Variants in KNDC1 observed in about 807,000 individuals in gnomAD.
The protein encoded by KNDC1 is kinase non-catalytic C-lobe domain-containing protein 1.
KNDC1 carries 106 observed loss-of-function variants against 172.8 expected under a neutral mutation model. The ratio of observed to expected loss-of-function variants is 0.61; its 90% confidence interval spans 0.52 to 0.72. The LOEUF is 0.72. Among genes scored for constraint, KNDC1 ranks in the 30% least tolerant of loss-of-function variants. KNDC1 has a pLI of 0.00. For synonymous variants in KNDC1, 1,083 were observed against 1,062.2 expected (o/e 1.02, Z -0.38); for missense variants, 2,325 against 2,394.5 (o/e 0.97, Z 0.61).
chr10:133,212,544 G>A (rs904093006), intron 23 of KNDC1, among the ~76,000 whole-genome samples, 172 bp from the exon 24 acceptor site: 1 of 152,236 alleles, frequency 6.6e-6, no homozygotes, highest in Non-Finnish European at 1.5e-5. Flanking sequence ...AGGCATCCTT[G>A]TGCCAGCACA....
intron 9 of KNDC1, among the ~76,000 whole-genome samples, chr10:133,195,380 G>A (rs532578943): frequency 1.3e-5 from 2 of 152,352 alleles, no homozygotes; most frequent in African/African-American, 4.8e-5. Context: ...CGTGAGGAGA[G>A]TGGAAGGTGG....
At chr10:133,185,003 G>A (rs1313160379) in intron 5 of KNDC1, among the ~76,000 whole-genome samples, 1 of 152,292 alleles carries the variant, frequency 6.6e-6, no homozygotes, top group Non-Finnish European at 1.5e-5. Flanking sequence ...CAGAGGCCGT[G>A]TCTGCATTGG....
chr10:133,208,306 G>A (rs1845261065), intron 20 of KNDC1, among the ~76,000 whole-genome samples: 1 of 43,584 alleles, frequency 2.3e-5, no homozygotes, highest in African/African-American at 7.1e-5. Context: ...AGAGGGACGT[G>A]GCCCCCCAAC....
intron 17 of KNDC1, among the ~76,000 whole-genome samples, chr10:133,204,243 T>G (rs1320949679): frequency 2.0e-5 from 3 of 152,122 alleles, no homozygotes; most frequent in African/African-American, 4.8e-5. Context: ...GCCCGGTAGG[T>G]CCTTCCTTGA....
intron 17 of KNDC1, among the ~76,000 whole-genome samples, chr10:133,202,927 A>G (rs959415731): frequency 2.0e-5 from 3 of 152,180 alleles, no homozygotes; most frequent in Admixed American, 2.0e-4. Context: ...GGCGGCCGGC[A>G]CAGCAAACAC....
chr10:133,198,965 C>T lies in KNDC1; in HGVS notation c.2457C>T (p.Thr819=). The change falls in exon 14 of 30, where the codon ACC becomes ACT. Residue 819 remains threonine, a synonymous_variant. Coordinates refer to ENST00000304613, the MANE Select transcript of KNDC1 (RefSeq NM_152643.8). ...TCAGGCCCGACGCCCTGGGGCCCAC[C>T]ACGGCCCACCACGGCCCACGCCACC... ...GGLRPDALGP[T]TAHHGPRHPP... 6.5e-7 allele frequency: 1 copy of T among 1,538,414 alleles called. No individual in the cohort carries two copies. Among genetic ancestry groups the T allele is most frequent in the Middle Eastern group, 1.7e-4 (1 of 5,784 alleles).
chr10:133,212,892 G>C lies in KNDC1; in HGVS notation c.4413G>C (p.Gln1471His), dbSNP rs1392441397. The change falls in exon 24 of 30, where the codon CAG becomes CAC. Residue 1471 changes from glutamine (Q) to histidine (H), a missense_variant. Gln to His is a conservative substitution (Grantham distance 24, BLOSUM62 0). Transcript: ENST00000304613. ...PYFLTEYSTH[Q>H]LFSQLTLLQQ... ...TCCTGACGGAGTACAGCACTCACCA[G>C]CTCTTCAGCCAGCTCACGCTGCTAC... is the stretch of plus-strand genomic sequence containing the variant. 1.2e-6 allele frequency: 2 copies of C among 1,613,336 alleles called. No individual in the cohort carries two copies. Among genetic ancestry groups the C allele is most frequent in the African/African-American group, 2.7e-5 (2 of 74,940 alleles).
intron 2 of KNDC1, 111 bp from the exon 3 acceptor site, chr10:133,168,143 C>A: frequency 1.1e-6 from 1 of 911,212 alleles, no homozygotes; most frequent in Non-Finnish European, 1.8e-6. Context: ...GACACCAGGT[C>A]TGCGGGGAGG....
rs753883751 is a variant in KNDC1, at chr10:133,167,477, C to T, written c.199C>T (p.Arg67Trp). Residue 67 changes from arginine to tryptophan, a missense_variant, in exon 2 of 30, where the codon CGG (arginine) becomes TGG (tryptophan). Coordinates refer to ENST00000304613, the MANE Select transcript of KNDC1 (RefSeq NM_152643.8). Reference protein sequence around the residue: ...AVCLECSLSMRSVAHAAIFQS... With the variant: ...AVCLECSLSMWSVAHAAIFQS... ...GTGCCTGGAGTGCAGCCTGTCCATGCGGAGCGTGGCCCACGCCGCCATCTT... is the reference window on the plus strand; with the variant it reads ...GTGCCTGGAGTGCAGCCTGTCCATGTGGAGCGTGGCCCACGCCGCCATCTT... 119 of 1,606,128 alleles carry T rather than the reference C, an allele frequency of 7.4e-5. No homozygotes were observed. Among genetic ancestry groups the T allele is most frequent in the Non-Finnish European group, 7.9e-5 (93 of 1,177,348 alleles).
rs1304666151 is a variant in KNDC1, at chr10:133,220,068, C to G, written c.4974C>G (p.Gly1658=). 4.5e-6 allele frequency: 7 copies of G among 1,566,210 alleles called. No homozygotes were observed. The highest frequency in any genetic ancestry group is 6.1e-6 in the Non-Finnish European group (7 of 1,155,498). The change falls in exon 29 of 30, where the codon GGC becomes GGG. Residue 1658 remains glycine, a synonymous_variant. Coordinates refer to ENST00000304613, the MANE Select transcript of KNDC1 (RefSeq NM_152643.8). ...LAMHIQQLET[G]GFTMTNGAHR... is the part of the protein sequence containing the mutation. ...TGCACATCCAGCAGCTGGAGACAGG[C>G]GGCTTCACCATGACCAACGGGGCCC...
chr10:133,202,195 C>A, intron 17 of KNDC1: 1 of 669,890 alleles, frequency 1.5e-6, no homozygotes, highest in Non-Finnish European at 2.7e-6. Flanking sequence ...GAGGCCCCTC[C>A]ATGCTCGTGA....
chr10:133,210,601 C>A lies in KNDC1; in HGVS notation c.3795-10C>A, dbSNP rs117746648. On this transcript the variant is annotated splice_polypyrimidine_tract_variant and intron_variant, in intron 20 of 29. Coordinates refer to ENST00000304613, the MANE Select transcript of KNDC1 (RefSeq NM_152643.8). ...CCCACCACCTCACCGCCGCCCGCCC[C>A]GCCCCACAGTGATGCCTTCCTGGAG... is the stretch of plus-strand genomic sequence containing the variant. The A allele has an allele frequency of 6.3e-7, 1 of 1,592,444 alleles. No homozygotes were observed. Among genetic ancestry groups the A allele is most frequent in the Non-Finnish European group, 8.6e-7 (1 of 1,160,500 alleles).
In KNDC1 at chr10:133,202,958, C is replaced by T. The variant is rs544423312; in HGVS notation, c.3387+1060C>T. ...AACACCAAACGACCCGGCCCCCAAA[C>T]GCAGGGAGTCCAGCAGGGAGCACTC... On this transcript the variant is annotated intron_variant, in intron 17 of 29. Transcript: ENST00000304613. 3.3e-5 allele frequency among the ~76,000 whole-genome samples: 5 copies of T among 152,300 alleles called. No individual in the cohort carries two copies. In the South Asian group the frequency reaches 1.0e-3, roughly 32 times the overall value.
At chr10:133,200,306 C>T (rs1321089901) in intron 15 of KNDC1, 69 bp from the exon 16 acceptor site, 7 of 1,240,898 alleles carry the variant, frequency 5.6e-6, no homozygotes, top group Non-Finnish European at 7.7e-6. Flanking sequence ...CTGTGGGCCC[C>T]GCCCTGTGGA....
At chr10:133,212,958 C>G (rs376219333) in intron 24 of KNDC1, 36 bp downstream of exon 24, 3 of 1,572,208 alleles carry the variant, frequency 1.9e-6, no homozygotes, top group Non-Finnish European at 2.6e-6. Flanking sequence ...AGGTCACCTG[C>G]GAGTCGGGGC....
Position 133,163,047 on chromosome 10 carries a change from G to T in KNDC1, c.102+2478G>T, listed in dbSNP as rs1341778336. Among the ~76,000 whole-genome samples the T allele has an allele frequency of 2.0e-5, 3 of 151,508 alleles. No individual in the cohort carries two copies. Among genetic ancestry groups the T allele is most frequent in the African/African-American group, 7.3e-5 (3 of 41,122 alleles). The stretch of plus-strand genomic sequence containing the variant: ...AAGGAGGGCTTCCTGGAGGTGTCCT[G>T]CCCGGGATTCCCATGAGATTTCAGT... On this transcript the variant is annotated intron_variant, in intron 1 of 29. Transcript: ENST00000304613. This position sits in a 1 kb window ranked among gnomAD's most constrained non-coding sequence, Gnocchi z 4.4.
At chr10:133,194,300 T>C (rs1235435891) in intron 9 of KNDC1, among the ~76,000 whole-genome samples, 2 of 152,204 alleles carry the variant, frequency 1.3e-5, no homozygotes, top group African/African-American at 2.4e-5. Context: ...TTCTAAATAC[T>C]CTATGTGTCA....
At chr10:133,188,183 A>G (rs1853974514) in intron 6 of KNDC1, among the ~76,000 whole-genome samples, 2 of 152,156 alleles carry the variant, frequency 1.3e-5, no homozygotes, top group African/African-American at 4.8e-5. Context: ...TGCTGGGAAC[A>G]TGGGTGTGCA....
chr10:133,209,632 G>A lies in KNDC1; in HGVS notation c.3795-979G>A, dbSNP rs11101640. 0.024 allele frequency among the ~76,000 whole-genome samples: 3,647 copies of A among 152,164 alleles called. 45 individuals are homozygous for A. The highest frequency in any genetic ancestry group is 0.034 in the Middle Eastern group (10 of 294). ...TTTGTGGCTTGCATGGCGTGAGTGT[G>A]AGTGCTGTGCTTCCATGGAAGGAGC... On this transcript the variant is annotated intron_variant, in intron 20 of 29. Coordinates refer to ENST00000304613, the MANE Select transcript of KNDC1 (RefSeq NM_152643.8). This position sits in a 1 kb window ranked among gnomAD's most constrained non-coding sequence, Gnocchi z 4.9.
Sources: gnomAD v4.1 joint callset for allele counts (sites outside exome capture counted in the v4.1 genomes callset) on GRCh38, gnomAD v4.1.1 for gene constraint, Gnocchi (gnomAD v3.1) non-coding constraint, MANE v1.5 for transcripts, NCBI Gene and HGNC (gene_info 2026-07-23, HGNC 2026-07-21) for gene names.